TIMP3: variants seen among roughly 807,000 people sequenced by gnomAD.
TIMP3 encodes TIMP metallopeptidase inhibitor 3, also known as metalloproteinase inhibitor 3.
Under a neutral mutation model 30.0 loss-of-function variants are expected in TIMP3, and 11 were observed. The ratio of observed to expected loss-of-function variants is 0.37; its 90% CI spans 0.23 to 0.61. The LOEUF (loss-of-function observed/expected upper bound fraction) is 0.61, where lower values mean the gene tolerates loss of function less well. Ranked by LOEUF, TIMP3 falls within the 20% of genes least tolerant of loss-of-function variation. The probability of loss-of-function intolerance (pLI) is 0.70; values close to 1 mark genes in which losing one functional copy is unlikely to be tolerated. For missense variants in TIMP3, 181 were observed against 276.8 expected (o/e 0.65, Z 2.45); for synonymous variants, 112 against 111.3 (o/e 1.01, Z -0.04).
chr22:32,806,424 T>C (rs934979896), intron 1 of TIMP3, among the ~76,000 whole-genome samples: 2 of 152,196 alleles, frequency 1.3e-5, no homozygotes, highest in African/African-American at 4.8e-5. Context: ...AACACGATTC[T>C]CCATCGCACT....
chr22:32,836,493 T>G (rs2047732796), intron 1 of TIMP3, among the ~76,000 whole-genome samples: 1 of 152,270 alleles, frequency 6.6e-6, no homozygotes, highest in Admixed American at 6.5e-5. Flanking sequence ...TTTACTTATT[T>G]ATTTTATTTA....
Position 32,860,065 on chromosome 22 carries a change from A to G in TIMP3, c.*688A>G, listed in dbSNP as rs1349876389. ...GTTGACCAGATGTTCCTGAGTCTGG[A>G]GCAAGCACCCAGGCCAGAATAACAG... On this transcript the variant is annotated 3_prime_UTR_variant, in exon 5 of 5. Coordinates refer to ENST00000266085, the MANE Select transcript of TIMP3 (RefSeq NM_000362.5). 1.3e-5 allele frequency: 2 copies of G among 152,350 alleles called. No individual in the cohort carries two copies. Among genetic ancestry groups the G allele is most frequent in the African/African-American group, 4.8e-5 (2 of 41,462 alleles). 9.4% of individuals were successfully genotyped at this position (152,350 alleles called of 1,614,324 possible). A position where few individuals can be genotyped will look rare whatever the true frequency, so the allele number is the denominator to read the frequency against.
chr22:32,831,991 A>G (rs1479990762), intron 1 of TIMP3, among the ~76,000 whole-genome samples: 1 of 152,176 alleles, frequency 6.6e-6, no homozygotes, highest in Non-Finnish European at 1.5e-5. Context: ...CGGCATTGTT[A>G]CAGATCAGCA....
chr22:32,838,072 T>C (rs1393075696), intron 1 of TIMP3, among the ~76,000 whole-genome samples: 1 of 152,190 alleles, frequency 6.6e-6, no homozygotes. Context: ...CCCTGGACTA[T>C]AACTCCCTGT....
intron 1 of TIMP3, among the ~76,000 whole-genome samples, chr22:32,827,886 C>T (rs748299149): frequency 1.3e-5 from 2 of 152,226 alleles, no homozygotes; most frequent in African/African-American, 2.4e-5. Flanking sequence ...CAGATACTCA[C>T]TGGCTGGCCC....
chr22:32,821,725 G>T (rs2047252233), intron 1 of TIMP3, among the ~76,000 whole-genome samples: 1 of 152,180 alleles, frequency 6.6e-6, no homozygotes, highest in South Asian at 2.1e-4. Flanking sequence ...CCTGAACCAG[G>T]TATTTGTCAC....
intron 1 of TIMP3, among the ~76,000 whole-genome samples, chr22:32,826,178 C>T (rs1378319876): frequency 6.6e-6 from 1 of 152,050 alleles, no homozygotes; most frequent in Admixed American, 6.6e-5. Context: ...CCTGTAATTC[C>T]AGCACTTTGG....
chr22:32,816,662 A>G (rs1179180021), intron 1 of TIMP3, among the ~76,000 whole-genome samples: 1 of 152,152 alleles, frequency 6.6e-6, no homozygotes, highest in Non-Finnish European at 1.5e-5. Context: ...CCCTATCATC[A>G]AGACTTCAGT....
intron 2 of TIMP3, among the ~76,000 whole-genome samples, chr22:32,856,139 G>A (rs981957478): frequency 6.6e-6 from 1 of 152,230 alleles, no homozygotes; most frequent in Admixed American, 6.5e-5. Context: ...GAATGTTTTT[G>A]TGGGCTGGAA....
At position 32,841,357 on chromosome 22, in the gene TIMP3, G is replaced by C. The variant is rs578088894; in HGVS notation, c.122-8095G>C. Among the ~76,000 whole-genome samples, 30 of 152,292 alleles carry C rather than the reference G, an allele frequency of 2.0e-4. No homozygotes were observed. In the South Asian group the frequency reaches 6.0e-3, roughly 31 times the overall value. On this transcript the variant is annotated intron_variant, in intron 1 of 4. Transcript: ENST00000266085. ...GCCAAGGGATTGCGAGGAGGGGGAG[G>C]AATGTGCATGGATCAGGATCAGGGA...
chr22:32,814,708 G>A (rs2047041289), intron 1 of TIMP3, among the ~76,000 whole-genome samples: 1 of 152,152 alleles, frequency 6.6e-6, no homozygotes, highest in Non-Finnish European at 1.5e-5. Flanking sequence ...GTTTCAAAAA[G>A]TTAATTACAA....
At chr22:32,804,918 T>C (rs987230923) in intron 1 of TIMP3, among the ~76,000 whole-genome samples, 1 of 152,082 alleles carries the variant, frequency 6.6e-6, no homozygotes, top group Non-Finnish European at 1.5e-5. Context: ...GGGAGGGGGC[T>C]GGAGATGAAG....
intron 1 of TIMP3, among the ~76,000 whole-genome samples, chr22:32,830,837 G>A (rs2047552194): frequency 6.6e-6 from 1 of 152,160 alleles, no homozygotes; most frequent in Non-Finnish European, 1.5e-5. Flanking sequence ...GGTGTTTCCT[G>A]CAAATCCTGC....
At chr22:32,854,451 C>T (rs143087342) in intron 2 of TIMP3, among the ~76,000 whole-genome samples, 426 of 152,238 alleles carry the variant, frequency 2.8e-3, no homozygotes, top group Non-Finnish European at 4.6e-3. Flanking sequence ...GAAAGACTGA[C>T]GCAGAAGGAA....
At chr22:32,834,338 T>G (rs2047669042) in intron 1 of TIMP3, among the ~76,000 whole-genome samples, 1 of 151,710 alleles carries the variant, frequency 6.6e-6, no homozygotes, top group Non-Finnish European at 1.5e-5. Flanking sequence ...TTTTTTTGTA[T>G]TTTTAGTAGA....
At chr22:32,848,017 G>T (rs2048118127) in intron 1 of TIMP3, among the ~76,000 whole-genome samples, 1 of 152,202 alleles carries the variant, frequency 6.6e-6, no homozygotes, top group South Asian at 2.1e-4. Context: ...GCCAATGAAT[G>T]TTACTCTCTG....
chr22:32,849,398 C>G (rs2048156263), intron 1 of TIMP3, 54 bp from the exon 2 acceptor site: 6 of 1,536,684 alleles, frequency 3.9e-6, no homozygotes, highest in Non-Finnish European at 4.5e-6. Flanking sequence ...AGATGCTGTT[C>G]CTGATGTGGT....
chr22:32,857,912 C>A, intron 3 of TIMP3, 105 bp from the exon 4 acceptor site: 1 of 1,557,402 alleles, frequency 6.4e-7, no homozygotes, highest in Non-Finnish European at 8.8e-7. Flanking sequence ...GAAAAGTACC[C>A]AGCCACAGTG....
chr22:32,813,024 T>C (rs1246659034), intron 1 of TIMP3, among the ~76,000 whole-genome samples: 1 of 152,206 alleles, frequency 6.6e-6, no homozygotes. Flanking sequence ...TTCCAGTTCC[T>C]TCTTTGGCTG....
Sources: gnomAD v4.1 joint callset for allele counts (sites outside exome capture counted in the v4.1 genomes callset) on GRCh38, gnomAD v4.1.1 for gene constraint, MANE v1.5 for transcripts, NCBI Gene and HGNC (gene_info 2026-07-23, HGNC 2026-07-21) for gene names.